The following THSD4 variants were observed in gnomAD, a reference collection of about 807,000 sequenced individuals.
THSD4 encodes thrombospondin type 1 domain containing 4.
A neutral mutation model predicts 119.0 loss-of-function variants in THSD4; 69 were observed. That is an observed-to-expected ratio of 0.58 (90% CI 0.48 to 0.71). The LOEUF is 0.71. THSD4 is among the 30% of genes least tolerant of loss of function. The pLI is 0.00. For missense variants in THSD4, 1,393 were observed against 1,391.1 expected (o/e 1.00, Z -0.02); for synonymous variants, 524 against 540.4 (o/e 0.97, Z 0.42).
rs142517722 is a variant in THSD4, at chr15:71,404,439, C to T, written c.1016-7248C>T. Among the ~76,000 whole-genome samples the T allele has an allele frequency of 2.9e-4, 44 of 152,304 alleles. 1 individual carries two copies. Among genetic ancestry groups the T allele is most frequent in the African/African-American group, 1.0e-3 (43 of 41,574 alleles). On this transcript the variant is annotated intron_variant, in intron 6 of 17. Transcript: ENST00000261862. ...TCCATACTTTAATGCTTCCTGTTGT[C>T]AAATAATATTCCATTGTATGGATAT...
chr15:71,699,125 A>G (rs1384535154), intron 8 of THSD4, among the ~76,000 whole-genome samples: 1 of 150,304 alleles, frequency 6.7e-6, no homozygotes, highest in Non-Finnish European at 1.5e-5. Context: ...AAACTTTTGG[A>G]GGTGAGTAAT....
intron 7 of THSD4, among the ~76,000 whole-genome samples, chr15:71,415,948 C>T (rs2046754597): frequency 6.6e-6 from 1 of 152,166 alleles, no homozygotes; most frequent in Admixed American, 6.5e-5. Context: ...AGACATGTGC[C>T]AACACACCTG....
At chr15:71,316,780 AG>A (rs1227793238) in intron 6 of THSD4, among the ~76,000 whole-genome samples, 2 of 152,184 alleles carry the variant, frequency 1.3e-5, no homozygotes, top group Non-Finnish European at 2.9e-5. Flanking sequence ...CAAGCATCTC[AG>A]TGGAGTTCTG....
chr15:71,452,008 C>A (rs2047271955), intron 7 of THSD4, among the ~76,000 whole-genome samples: 1 of 152,146 alleles, frequency 6.6e-6, no homozygotes, highest in Admixed American at 6.5e-5. Context: ...GGACTCCAGC[C>A]TTCCCTCAGG....
chr15:71,492,239 C>G (rs1251981072), intron 7 of THSD4, among the ~76,000 whole-genome samples: 2 of 150,982 alleles, frequency 1.3e-5, no homozygotes, highest in Non-Finnish European at 3.0e-5. Context: ...GGCTGTTCCT[C>G]GTCTTAGGTT....
intron 6 of THSD4, among the ~76,000 whole-genome samples, chr15:71,368,508 G>A (rs1596372926): frequency 6.6e-6 from 1 of 152,206 alleles, no homozygotes; most frequent in African/African-American, 2.4e-5. Context: ...CATATGGCTA[G>A]CCAGTTTTCC....
chr15:71,474,691 T>G (rs2047632640), intron 7 of THSD4, among the ~76,000 whole-genome samples: 1 of 152,200 alleles, frequency 6.6e-6, no homozygotes, highest in Admixed American at 6.5e-5. Flanking sequence ...ATCAAATCTT[T>G]CCTCCTAGAT....
chr15:71,112,582 G>A (rs764345403), upstream of THSD4, among the ~76,000 whole-genome samples: 2 of 152,164 alleles, frequency 1.3e-5, no homozygotes, highest in African/African-American at 2.4e-5. Context: ...TATGCAAAGG[G>A]GTGACCCACC....
At chr15:71,296,270 TCAA>T (rs1437720430) in intron 6 of THSD4, among the ~76,000 whole-genome samples, 1 of 152,190 alleles carries the variant, frequency 6.6e-6, no homozygotes, top group African/African-American at 2.4e-5. Context: ...TACATTCCCA[TCAA>T]CAATAGATAA....
At chr15:71,327,201 A>G (rs927028558) in intron 6 of THSD4, among the ~76,000 whole-genome samples, 2 of 152,078 alleles carry the variant, frequency 1.3e-5, no homozygotes, top group African/African-American at 4.8e-5. Flanking sequence ...AAACACTCCA[A>G]TAGACCACTT....
intron 8 of THSD4, among the ~76,000 whole-genome samples, chr15:71,709,864 TA>T (rs201522341): frequency 4.7e-5 from 7 of 147,526 alleles, no homozygotes; most frequent in Middle Eastern, 3.5e-3. Context: ...GGCATCAGTT[TA>T]AAAAAAAAAA....
chr15:71,461,802 T>C (rs1051530763), intron 7 of THSD4, among the ~76,000 whole-genome samples: 9 of 152,060 alleles, frequency 5.9e-5, no homozygotes, highest in Admixed American at 2.0e-4. Flanking sequence ...GTTTTTTTTT[T>C]TTTTTCTTCT....
chr15:71,635,517 C>G (rs2050722214), intron 7 of THSD4, among the ~76,000 whole-genome samples: 2 of 152,142 alleles, frequency 1.3e-5, no homozygotes, highest in Non-Finnish European at 2.9e-5. Context: ...ACAGTAGTGA[C>G]TTTGCTAAAA....
chr15:71,646,756 A>G (rs949654126), intron 7 of THSD4, among the ~76,000 whole-genome samples: 2 of 152,306 alleles, frequency 1.3e-5, no homozygotes, highest in African/African-American at 4.8e-5. Context: ...TCAAAGCATA[A>G]GGACACTGGA....
At chr15:71,130,797 T>C (rs2040496491) in intron 1 of THSD4, among the ~76,000 whole-genome samples, 1 of 152,208 alleles carries the variant, frequency 6.6e-6, no homozygotes, top group Non-Finnish European at 1.5e-5. Context: ...CAGGCTGGAG[T>C]GCAGTGGTGC....
chr15:71,225,463 T>C (rs753739071), intron 4 of THSD4, among the ~76,000 whole-genome samples: 1 of 152,086 alleles, frequency 6.6e-6, no homozygotes, highest in Non-Finnish European at 1.5e-5. Flanking sequence ...AATGTTCCTG[T>C]CATCTTTTCT....
At position 71,403,994 on chromosome 15, in the gene THSD4, A is replaced by G. The variant is rs146702586; in HGVS notation, c.1016-7693A>G. On this transcript the variant is annotated intron_variant, in intron 6 of 17. Transcript: ENST00000261862. Reference sequence around the variant, plus strand: ...CTGACACCATTTTCCTGGGCACTTGATAGACTCCTGCAATCTGGAAACAGA... The same window carrying G: ...CTGACACCATTTTCCTGGGCACTTGGTAGACTCCTGCAATCTGGAAACAGA... Among the ~76,000 whole-genome samples the G allele has an allele frequency of 5.9e-3, 895 of 152,336 alleles. 12 individuals are homozygous for G. The highest frequency in any genetic ancestry group is 0.021 in the African/African-American group (860 of 41,582).
intron 8 of THSD4, among the ~76,000 whole-genome samples, chr15:71,723,729 T>A (rs2052766157): frequency 6.6e-6 from 1 of 152,136 alleles, no homozygotes; most frequent in Non-Finnish European, 1.5e-5. Flanking sequence ...GAGAGGGGGC[T>A]GGACTAGGGG....
At chr15:71,518,857 C>T (rs187384274) in intron 7 of THSD4, among the ~76,000 whole-genome samples, 6 of 152,276 alleles carry the variant, frequency 3.9e-5, no homozygotes, top group South Asian at 2.1e-4. Context: ...TGGCCAGGCA[C>T]TGTTGCTCAG....
Sources: gnomAD v4.1 joint callset for allele counts (sites outside exome capture counted in the v4.1 genomes callset) on GRCh38, gnomAD v4.1.1 for gene constraint, MANE v1.5 for transcripts, NCBI Gene and HGNC (gene_info 2026-07-23, HGNC 2026-07-21) for gene names.